The following METTL22 variants were observed in gnomAD, a reference collection of about 807,000 sequenced individuals.
METTL22 encodes methyltransferase 22, Kin17 lysine, also known as methyltransferase-like protein 22.
METTL22 carries 51 observed loss-of-function variants against 48.4 expected under a neutral mutation model. That is an observed-to-expected ratio of 1.05 (90% CI 0.84 to 1.33). The LOEUF (loss-of-function observed/expected upper bound fraction) is 1.33, where lower values mean the gene tolerates loss of function less well. Ranked by LOEUF, METTL22 falls within the 40% of genes most tolerant of loss-of-function variation. METTL22 has a pLI of 0.00. For synonymous variants in METTL22, 255 were observed against 214.1 expected (o/e 1.19, Z -1.67); for missense variants, 678 against 526.9 (o/e 1.29, Z -2.81).
chr16:8,644,650 C>G lies in METTL22; in HGVS notation c.1104C>G (p.Gly368=). Reference sequence around the variant, plus strand: ...ACGCGCTGGAGCAGCTCGCAGATGGCAAGCTGCGCTTCGTGGTGGAGCCCG... The same window carrying G: ...ACGCGCTGGAGCAGCTCGCAGATGGGAAGCTGCGCTTCGTGGTGGAGCCCG... ...CLHALEQLAD[G]KLRFVVEPVE... The change falls in exon 10 of 11, where the codon GGC becomes GGG. Residue 368 remains glycine, a synonymous_variant. Coordinates refer to ENST00000381920, the MANE Select transcript of METTL22 (RefSeq NM_024109.4). The G allele has an allele frequency of 2.5e-6, 4 of 1,606,778 alleles. No individual in the cohort carries two copies. The South Asian group carries it at 4.5e-5, about 18-fold the overall frequency.
chr16:8,626,057 C>G (rs2056039913), intron 2 of METTL22, among the ~76,000 whole-genome samples: 1 of 152,140 alleles, frequency 6.6e-6, no homozygotes, highest in African/African-American at 2.4e-5. Flanking sequence ...AGTGCAGTGG[C>G]ACAGTCATGG....
At position 8,642,487 on chromosome 16, in the gene METTL22, A is replaced by T. The variant is rs768443384; in HGVS notation, c.932A>T (p.Asp311Val). 1 of 1,614,118 alleles carries T rather than the reference A, an allele frequency of 6.2e-7. No homozygotes were observed. The change falls in exon 9 of 11, where the codon GAT (aspartate) becomes GTT (valine). Residue 311 changes from aspartate (D) to valine (V), a missense_variant. By Grantham distance (152) the Asp-to-Val change is radical. Transcript: ENST00000381920. ...AEVFYDDDLTDAVFKTLSRLA... is the reference protein window; with the variant it reads ...AEVFYDDDLTVAVFKTLSRLA... ...GTGTTTTACGACGACGACTTGACTG[A>T]TGCTGTGTTTAAAACGCTCTCCCGA...
the METTL22 span, among the ~76,000 whole-genome samples, chr16:8,656,177 G>A: frequency 3.9e-5 from 6 of 152,122 alleles, no homozygotes; most frequent in Admixed American, 3.9e-4. Flanking sequence ...AACTGCTTGG[G>A]CTCAAACAGT....
downstream of METTL22, among the ~76,000 whole-genome samples, chr16:8,651,487 G>T (rs1327220815): frequency 6.6e-6 from 1 of 151,504 alleles, no homozygotes; most frequent in East Asian, 1.9e-4. Context: ...TAGTCCTAAG[G>T]TAGAGTTTTT....
intron 2 of METTL22, among the ~76,000 whole-genome samples, chr16:8,628,282 C>T (rs570821929): frequency 7.9e-5 from 12 of 152,276 alleles, no homozygotes; most frequent in South Asian, 4.1e-4. Flanking sequence ...ACACAGTGTT[C>T]GGTGATGAAT....
intron 9 of METTL22, 67 bp downstream of exon 9, chr16:8,642,632 G>T (rs1026557747): frequency 3.5e-6 from 5 of 1,444,658 alleles, no homozygotes; most frequent in Non-Finnish European, 4.9e-6. Flanking sequence ...CCTCCTAATT[G>T]TGTCCTTGTC....
intron 3 of METTL22, 48 bp from the exon 4 acceptor site, chr16:8,634,991 C>A: frequency 6.2e-7 from 1 of 1,611,546 alleles, no homozygotes; most frequent in Non-Finnish European, 8.5e-7. Flanking sequence ...GTTTTCTGTC[C>A]ATCCCCATTT....
At chr16:8,659,355 A>G in the METTL22 span, among the ~76,000 whole-genome samples, 2 of 151,720 alleles carry the variant, frequency 1.3e-5, no homozygotes, top group Admixed American at 6.6e-5. Context: ...AAAACTTGGT[A>G]TGATAATCAT....
At chr16:8,656,828 A>G in the METTL22 span, among the ~76,000 whole-genome samples, 10,921 of 152,350 alleles carry the variant, frequency 0.072, 1,283 homozygotes, top group African/African-American at 0.25. Context: ...TCCAAGAGCT[A>G]AAGGCCAGCA....
intron 1 of METTL22, among the ~76,000 whole-genome samples, chr16:8,623,197 C>T (rs557215639): frequency 2.0e-5 from 3 of 151,782 alleles, no homozygotes; most frequent in South Asian, 2.1e-4. Context: ...GCCTGTAGTC[C>T]CAGTTACTCG....
chr16:8,646,245 TA>T lies in METTL22; in HGVS notation c.*107del, dbSNP rs2056797399. The T allele has an allele frequency of 6.9e-7, 1 of 1,451,934 alleles. No individual in the cohort carries two copies. Among genetic ancestry groups the T allele is most frequent in the Non-Finnish European group, 9.6e-7 (1 of 1,041,172 alleles). The allele number at this position is 1,451,934 out of a possible 1,614,324, so 89.9% of individuals were successfully genotyped here. A position where few individuals can be genotyped will look rare whatever the true frequency, so the allele number is the denominator to read the frequency against. Reference sequence around the variant, plus strand: ...CAACATGCTTGAGATTTTGTCATTTTAAAAATATGGTTACACGTACCTTAGA... The same window carrying T: ...CAACATGCTTGAGATTTTGTCATTTTAAAATATGGTTACACGTACCTTAGA... On this transcript the variant is annotated 3_prime_UTR_variant, in exon 11 of 11. Coordinates refer to ENST00000381920, the MANE Select transcript of METTL22 (RefSeq NM_024109.4).
At chr16:8,622,114 G>A (rs545127925) in intron 1 of METTL22, among the ~76,000 whole-genome samples, 108 of 152,282 alleles carry the variant, frequency 7.1e-4, no homozygotes, top group Middle Eastern at 3.4e-3. Context: ...GTAGCCCCAC[G>A]GGGGACGTCC....
chr16:8,639,029 A>C (rs2056509565), intron 5 of METTL22, 62 bp from the exon 6 acceptor site: 1 of 1,567,364 alleles, frequency 6.4e-7, no homozygotes, highest in Non-Finnish European at 8.8e-7. Context: ...TCTAGGCAAA[A>C]AACATGGAGA....
Position 8,645,324 on chromosome 16 carries a change from G to A in METTL22, c.1179+599G>A, listed in dbSNP as rs947060485. Among the ~76,000 whole-genome samples, 5 of 152,324 alleles carry A rather than the reference G, an allele frequency of 3.3e-5. No individual in the cohort carries two copies. The East Asian group carries it at 5.8e-4, about 18-fold the overall frequency. On this transcript the variant is annotated intron_variant, in intron 10 of 10. Coordinates refer to ENST00000381920, the MANE Select transcript of METTL22 (RefSeq NM_024109.4). ...CTGCCGCCCTTGCACTCTGTCTCGC[G>A]TCCTGAGGGAGGGCAGCATGGAATT...
In METTL22 at chr16:8,629,443, C is replaced by A. The variant is rs2056180686; in HGVS notation, c.514+333C>A. On this transcript the variant is annotated intron_variant, in intron 3 of 10. Transcript: ENST00000381920. ...CCAGGAAGCCTCCCTGCTGCTGCCT[C>A]CCACATCTGTGCTCTTGCTCTAACT... 2.0e-5 allele frequency among the ~76,000 whole-genome samples: 3 copies of A among 152,256 alleles called. No homozygotes were observed. In the South Asian group the frequency reaches 6.2e-4, roughly 31 times the overall value.
the METTL22 span, among the ~76,000 whole-genome samples, chr16:8,662,229 G>A: frequency 6.9e-6 from 1 of 145,424 alleles, no homozygotes; most frequent in Non-Finnish European, 1.5e-5. Context: ...GCAATAGAGC[G>A]AGACTCTGTC....
the METTL22 span, among the ~76,000 whole-genome samples, chr16:8,661,180 G>A: frequency 6.6e-6 from 1 of 151,846 alleles, no homozygotes; most frequent in Non-Finnish European, 1.5e-5. Context: ...GTGCCAGAAA[G>A]GAATCCAAGG....
rs2056640254 is a variant in METTL22, at chr16:8,642,196, T to C, written c.896T>C (p.Phe299Ser). 3 of 1,613,210 alleles carry C rather than the reference T, an allele frequency of 1.9e-6. No individual in the cohort carries two copies. Among genetic ancestry groups the C allele is most frequent in the Non-Finnish European group, 2.5e-6 (3 of 1,179,318 alleles). The change falls in exon 8 of 11, where the codon TTT becomes TCT. Residue 299 changes from phenylalanine to serine, a missense_variant. Physicochemically the swap from Phe to Ser is radical, Grantham distance 155 (BLOSUM62 -2). Coordinates refer to ENST00000381920, the MANE Select transcript of METTL22 (RefSeq NM_024109.4). ...SDLYDHTTIL[F>S]AAEVFYDDDL... ...TTGTACGATCACACCACCATCCTGT[T>C]TGCAGCCGAAGGTAAGAAAATTTCT...
At position 8,635,269 on chromosome 16, in the gene METTL22, T is replaced by C; in HGVS notation, c.657T>C (p.Ala219=). The change falls in exon 5 of 11, where the codon GCT becomes GCC. Residue 219 remains alanine, a synonymous_variant. Transcript: ENST00000381920. The part of the protein sequence containing the change: ...ALELGAGTGL[A]SIIAATMART... ...AGCTCGGGGCCGGCACGGGGCTCGC[T>C]AGCATCATCGCAGCCACCATGGCAC... 6.2e-7 allele frequency: 1 copy of C among 1,603,908 alleles called. No homozygotes were observed. Among genetic ancestry groups the C allele is most frequent in the South Asian group, 1.1e-5 (1 of 90,512 alleles).
Sources: allele counts gnomAD v4.1 joint callset (sites outside exome capture counted in the v4.1 genomes callset), GRCh38; gene constraint gnomAD v4.1.1; transcripts MANE v1.5; gene names NCBI Gene and HGNC (gene_info 2026-07-23, HGNC 2026-07-21).